SLC35A3: variants seen among roughly 807,000 people sequenced by gnomAD.
SLC35A3 encodes solute carrier family 35 member A3, also known as UDP-N-acetylglucosamine transporter.
In SLC35A3, 26 loss-of-function variants were observed where a neutral mutation model predicts 39.0. The ratio of observed to expected loss-of-function variants is 0.67; its 90% CI spans 0.49 to 0.92. SLC35A3 has a LOEUF of 0.92. SLC35A3 is among the 40% of genes least tolerant of loss of function. SLC35A3 has a pLI of 0.00. For synonymous variants in SLC35A3, 135 were observed against 133.1 expected (o/e 1.01, Z -0.10); for missense variants, 299 against 371.6 (o/e 0.80, Z 1.61).
intron 1 of SLC35A3, among the ~76,000 whole-genome samples, chr1:99,982,136 C>G (rs1351541535): frequency 6.6e-6 from 1 of 151,490 alleles, no homozygotes; most frequent in Non-Finnish European, 1.5e-5. Flanking sequence ...TCCTGAGTAG[C>G]TGGGATTACA....
intron 3 of SLC35A3, among the ~76,000 whole-genome samples, chr1:100,005,158 C>T (rs939339585): frequency 2.0e-5 from 3 of 152,044 alleles, no homozygotes; most frequent in African/African-American, 4.8e-5. Flanking sequence ...TCTCTCCTGG[C>T]CTATAATGTT....
At chr1:99,991,435 C>T (rs574776278) in intron 1 of SLC35A3, among the ~76,000 whole-genome samples, 9 of 152,246 alleles carry the variant, frequency 5.9e-5, no homozygotes, top group South Asian at 2.1e-4. Context: ...TGAGCCACCG[C>T]GCCCAGCCAC....
At chr1:99,994,016 ACT>A (rs1658241206) in intron 2 of SLC35A3, among the ~76,000 whole-genome samples, 1 of 152,052 alleles carries the variant, frequency 6.6e-6, no homozygotes, top group Non-Finnish European at 1.5e-5. Context: ...TAAATCTGTT[ACT>A]GTTAGAACTC....
At chr1:99,996,823 T>C (rs989566473) in intron 2 of SLC35A3, among the ~76,000 whole-genome samples, 1 of 152,154 alleles carries the variant, frequency 6.6e-6, no homozygotes, top group Non-Finnish European at 1.5e-5. Flanking sequence ...ACTATTATTT[T>C]GGGTTGAGGA....
At chr1:99,995,829 A>G (rs1330818607) in intron 2 of SLC35A3, among the ~76,000 whole-genome samples, 2 of 152,226 alleles carry the variant, frequency 1.3e-5, no homozygotes, top group African/African-American at 4.8e-5. Context: ...TGCATTCCCA[A>G]TATTTAGATA....
chr1:99,979,430 CTTT>C (rs755564922), intron 1 of SLC35A3, among the ~76,000 whole-genome samples: 1 of 136,304 alleles, frequency 7.3e-6, no homozygotes. Context: ...CCTTTTCTTT[CTTT>C]TTTTTTTTTT....
At position 100,028,639 on chromosome 1, in the gene SLC35A3, T is replaced by G. The variant is rs1468978352; in HGVS notation, c.*6163T>G. The G allele has an allele frequency of 6.6e-6, 1 of 152,224 alleles. No individual in the cohort carries two copies. Among genetic ancestry groups the G allele is most frequent in the Non-Finnish European group, 1.5e-5 (1 of 68,062 alleles). The allele number at this position is 152,224 out of a possible 1,614,324, so 9.4% of individuals were successfully genotyped here. On this transcript the variant is annotated 3_prime_UTR_variant, in exon 8 of 8. Coordinates refer to ENST00000533028, the MANE Select transcript of SLC35A3 (RefSeq NM_012243.3). ...GACCACACCCAGCCCATATTGGTCT[T>G]TCTTACTGTTCTTAAAAAGAGAATT...
intron 1 of SLC35A3, among the ~76,000 whole-genome samples, chr1:99,987,963 C>A (rs1410700902): frequency 1.3e-5 from 2 of 152,080 alleles, no homozygotes; most frequent in Non-Finnish European, 2.9e-5. Flanking sequence ...TTTGGTATGT[C>A]CTCAATCTTT....
chr1:99,997,020 A>G (rs990925901), intron 2 of SLC35A3, among the ~76,000 whole-genome samples: 4 of 152,002 alleles, frequency 2.6e-5, no homozygotes, highest in African/African-American at 9.7e-5. Context: ...AGGGTTCCTT[A>G]GAATTTCTCA....
chr1:99,978,929 T>C (rs1243935897), intron 1 of SLC35A3: 1 of 152,240 alleles, frequency 6.6e-6, no homozygotes, highest in African/African-American at 2.4e-5. Flanking sequence ...TCTTCTGGAA[T>C]AGACATAGAG....
chr1:100,010,927 G>C (rs1017664021), intron 4 of SLC35A3, among the ~76,000 whole-genome samples: 7 of 151,780 alleles, frequency 4.6e-5, no homozygotes, highest in Non-Finnish European at 1.0e-4. Context: ...GACAGTGTTT[G>C]GGGGGGTTCA....
chr1:99,979,312 A>G (rs1018660741), intron 1 of SLC35A3, among the ~76,000 whole-genome samples: 7 of 152,076 alleles, frequency 4.6e-5, no homozygotes, highest in Middle Eastern at 3.4e-3. Context: ...TTGGCTGCCA[A>G]TATTCCTTTT....
chr1:100,011,682 T>A (rs1659651108), intron 5 of SLC35A3, 149 bp downstream of exon 5: 1 of 225,110 alleles, frequency 4.4e-6, no homozygotes, highest in African/African-American at 2.4e-5. Context: ...TAAAACATTT[T>A]ATTATTTATT....
At position 100,004,345 on chromosome 1, in the gene SLC35A3, C is replaced by A. The variant is rs187149131; in HGVS notation, c.343-2689C>A. Among the ~76,000 whole-genome samples the A allele has an allele frequency of 7.9e-5, 12 of 152,302 alleles. No homozygotes were observed. The South Asian group carries it at 1.9e-3, about 24-fold the overall frequency. On this transcript the variant is annotated intron_variant, in intron 3 of 7. Transcript: ENST00000533028. ...TTTGAGGCAAGGTCTGGCTCTATCA[C>A]CCAGGCTGGAGTGCAGGGGCACAGT...
In SLC35A3 at chr1:99,999,307, T is replaced by C; in HGVS notation, c.234T>C (p.Leu78=). 1 of 1,592,042 alleles carries C rather than the reference T, an allele frequency of 6.3e-7. No homozygotes were observed. The highest frequency in any genetic ancestry group is 8.5e-7 in the Non-Finnish European group (1 of 1,169,682). The change falls in exon 3 of 8, where the codon CTT becomes CTC. Residue 78 remains leucine, a synonymous_variant. Coordinates refer to ENST00000533028, the MANE Select transcript of SLC35A3 (RefSeq NM_012243.3). ...ATCGAGTACTACATGATGAAATTCTTAATAAACCTATGGAAACACTTAAAC... is the reference window on the plus strand; with the variant it reads ...ATCGAGTACTACATGATGAAATTCTCAATAAACCTATGGAAACACTTAAAC... ...ALNRVLHDEI[L]NKPMETLKLA...
In SLC35A3 at chr1:99,996,830, A is replaced by G. The variant is rs551120587; in HGVS notation, c.188-2431A>G. Reference sequence around the variant, plus strand: ...ATTTTTCAACTATTATTTTGGGTTGAGGAGAGGGTGAGTACCAGGTAGCAA... The same window carrying G: ...ATTTTTCAACTATTATTTTGGGTTGGGGAGAGGGTGAGTACCAGGTAGCAA... On this transcript the variant is annotated intron_variant, in intron 2 of 7. Coordinates refer to ENST00000533028, the MANE Select transcript of SLC35A3 (RefSeq NM_012243.3). Among the ~76,000 whole-genome samples the G allele has an allele frequency of 7.9e-5, 12 of 152,246 alleles. No individual in the cohort carries two copies. The East Asian group carries it at 2.3e-3, about 29-fold the overall frequency.
intron 5 of SLC35A3, among the ~76,000 whole-genome samples, chr1:100,012,239 A>G (rs1232528430): frequency 6.6e-6 from 1 of 152,068 alleles, no homozygotes; most frequent in Non-Finnish European, 1.5e-5. Flanking sequence ...AGCCAAGAAT[A>G]AAGTGTCTTA....
At chr1:100,019,759 A>G (rs1660405542) in intron 7 of SLC35A3, among the ~76,000 whole-genome samples, 1 of 152,168 alleles carries the variant, frequency 6.6e-6, no homozygotes, top group African/African-American at 2.4e-5. Context: ...CTGCCATGTC[A>G]TATCTGTCTT....
At chr1:100,014,414 G>A (rs965932984) in intron 5 of SLC35A3, among the ~76,000 whole-genome samples, 1 of 152,110 alleles carries the variant, frequency 6.6e-6, no homozygotes, top group Admixed American at 6.5e-5. Flanking sequence ...TAGAGATGGA[G>A]TCTTGCTATG....
Sources: gnomAD v4.1 joint callset for allele counts (sites outside exome capture counted in the v4.1 genomes callset) on GRCh38, gnomAD v4.1.1 for gene constraint, MANE v1.5 for transcripts, NCBI Gene and HGNC (gene_info 2026-07-23, HGNC 2026-07-21) for gene names.